Variants in SCARB1 observed in about 807,000 individuals in gnomAD.
SCARB1 encodes the protein CD36 and LIMPII analogous 1.
Under a neutral mutation model 57.2 loss-of-function variants are expected in SCARB1, and 30 were observed. That is an observed-to-expected ratio of 0.52 (90% CI 0.39 to 0.71). The LOEUF is 0.71. Ranked by LOEUF, SCARB1 falls within the 30% of genes least tolerant of loss-of-function variation. The pLI is 0.00. For synonymous variants in SCARB1, 249 were observed against 268.3 expected (o/e 0.93, Z 0.70); for missense variants, 543 against 671.2 (o/e 0.81, Z 2.11).
At chr12:124,784,891 G>C (rs936499672) in intron 11 of SCARB1, 13 of 152,366 alleles carry the variant, frequency 8.5e-5, no homozygotes, top group African/African-American at 3.1e-4. Flanking sequence ...GTAGTAACTT[G>C]CCTAAAGGCC....
chr12:124,801,792 G>A (rs757442800), intron 7 of SCARB1, among the ~76,000 whole-genome samples: 4 of 152,006 alleles, frequency 2.6e-5, no homozygotes, highest in Non-Finnish European at 5.9e-5. Context: ...GTTGCAGTAA[G>A]CCAAGATTGC....
Position 124,807,690 on chromosome 12 carries a change from G to A in SCARB1, c.1009+71C>T. ...GGCCAGAGATTAAGCAGACAGCACT[G>A]GGCAGATAAACCCTCAGCTGGCCCC... is the stretch of plus-strand genomic sequence containing the variant. On this transcript the variant is annotated intron_variant, in intron 7 of 12. Coordinates refer to ENST00000261693, the MANE Select transcript of SCARB1 (RefSeq NM_005505.5). The surrounding 1 kb of genome is among the most constrained non-coding windows in gnomAD (Gnocchi z 5.3). 17 of 1,444,918 alleles carry A rather than the reference G, an allele frequency of 1.2e-5. No individual in the cohort carries two copies. The highest frequency in any genetic ancestry group is 1.6e-5 in the Non-Finnish European group (17 of 1,032,488). 89.5% of individuals were successfully genotyped at this position (1,444,918 alleles called of 1,614,324 possible).
intron 1 of SCARB1, among the ~76,000 whole-genome samples, chr12:124,829,701 A>AAAT (rs1951310300): frequency 6.6e-6 from 1 of 152,206 alleles, no homozygotes; most frequent in Non-Finnish European, 1.5e-5. Context: ...TCTCAAGTCT[A>AAAT]AAGTCACTTT....
In SCARB1 at chr12:124,812,453, G is replaced by A. The variant is rs569738956; in HGVS notation, c.631-488C>T. 5.6e-4 allele frequency among the ~76,000 whole-genome samples: 86 copies of A among 152,308 alleles called. No individual in the cohort carries two copies. Among genetic ancestry groups the A allele is most frequent in the Middle Eastern group, 6.8e-3 (2 of 294 alleles). ...GGATCCCCAAGTGACCACCACAAGC[G>A]CGGGTGCCCCAGTCACCCACACTGG... On this transcript the variant is annotated intron_variant, in intron 4 of 12. Transcript: ENST00000261693. The surrounding 1 kb of genome is among the most constrained non-coding windows in gnomAD (Gnocchi z 4.3).
chr12:124,860,086 GATTACAGGCGTGC>G (rs1475031975), intron 1 of SCARB1, among the ~76,000 whole-genome samples: 2 of 151,980 alleles, frequency 1.3e-5, no homozygotes, highest in African/African-American at 4.8e-5. Flanking sequence ...GAATAGCTGG[GATTACAGGCGTGC>G]ACCACCATGT....
At chr12:124,787,494 T>C (rs369108855) in intron 9 of SCARB1, 37 bp from the exon 10 acceptor site, 2 of 1,586,634 alleles carry the variant, frequency 1.3e-6, no homozygotes, top group Non-Finnish European at 1.7e-6. Context: ...TGAAACAAAG[T>C]CTTACACCCA....
chr12:124,801,309 C>G (rs1388505970), intron 7 of SCARB1, among the ~76,000 whole-genome samples: 1 of 152,174 alleles, frequency 6.6e-6, no homozygotes, highest in Non-Finnish European at 1.5e-5. Context: ...CGGGGAGTGA[C>G]TTCTGATGAG....
chr12:124,815,264 G>T, intron 2 of SCARB1, 150 bp from the exon 3 acceptor site: 2 of 900,602 alleles, frequency 2.2e-6, no homozygotes, highest in Non-Finnish European at 3.5e-6. Flanking sequence ...CGGCCCCTTC[G>T]CCAAGTCTGT....
At chr12:124,799,182 ACAT>A (rs1950050517) in intron 8 of SCARB1, among the ~76,000 whole-genome samples, 1 of 152,212 alleles carries the variant, frequency 6.6e-6, no homozygotes, top group Admixed American at 6.5e-5. Flanking sequence ...ATACATCATA[ACAT>A]CATGTTGTAC....
intron 1 of SCARB1, among the ~76,000 whole-genome samples, chr12:124,818,945 G>A (rs1319124801): frequency 6.6e-6 from 1 of 152,154 alleles, no homozygotes; most frequent in African/African-American, 2.4e-5. Flanking sequence ...ATGAGCCACT[G>A]TGCCTGGCCT....
intron 1 of SCARB1, among the ~76,000 whole-genome samples, chr12:124,848,662 G>A (rs797004508): frequency 3.9e-4 from 59 of 152,352 alleles, no homozygotes; most frequent in African/African-American, 1.4e-3. Context: ...GGTGGTGGAA[G>A]AACACACTGG....
intron 7 of SCARB1, among the ~76,000 whole-genome samples, chr12:124,802,635 G>T (rs946126619): frequency 3.9e-5 from 6 of 152,160 alleles, no homozygotes; most frequent in Admixed American, 2.0e-4. Flanking sequence ...ACCCACGCAC[G>T]TGTTTCTTCC....
intron 8 of SCARB1, among the ~76,000 whole-genome samples, chr12:124,798,926 G>A (rs962936885): frequency 1.3e-5 from 2 of 152,034 alleles, no homozygotes; most frequent in Non-Finnish European, 2.9e-5. Flanking sequence ...GGGGAAGTCC[G>A]TCAAAGGATA....
chr12:124,831,224 C>T, intron 1 of SCARB1, among the ~76,000 whole-genome samples: 1 of 152,180 alleles, frequency 6.6e-6, no homozygotes, highest in East Asian at 1.9e-4. Context: ...GGTGATCTGC[C>T]TGCCTCGGCC....
intron 1 of SCARB1, among the ~76,000 whole-genome samples, chr12:124,834,081 C>T (rs1043279096): frequency 2.0e-5 from 3 of 152,208 alleles, no homozygotes; most frequent in South Asian, 2.1e-4. Context: ...AACCGAGGCC[C>T]GCCCTGAAAA....
At chr12:124,838,920 G>T (rs373316325) in intron 1 of SCARB1, among the ~76,000 whole-genome samples, 1 of 151,740 alleles carries the variant, frequency 6.6e-6, no homozygotes, top group African/African-American at 2.4e-5. Context: ...GATTACAGGC[G>T]CCTGCCACCA....
rs1255882837 is a variant in SCARB1 at position 124,796,605 on chromosome 12, G to A, written c.1129-1337C>T. On this transcript the variant is annotated intron_variant, in intron 8 of 12. Transcript: ENST00000261693. This position sits in a 1 kb window ranked among gnomAD's most constrained non-coding sequence, Gnocchi z 4.0. ...ACTCTCCCGACCTGACAGAATTTTT[G>A]CAAGAGCAAAAGTAAGGTATGCAAG... Among the ~76,000 whole-genome samples, 1 of 152,182 alleles carries A rather than the reference G, an allele frequency of 6.6e-6. No individual in the cohort carries two copies. Among genetic ancestry groups the A allele is most frequent in the Admixed American group, 6.5e-5 (1 of 15,278 alleles).
At chr12:124,797,206 C>T (rs980928150) in intron 8 of SCARB1, among the ~76,000 whole-genome samples, 5 of 152,204 alleles carry the variant, frequency 3.3e-5, no homozygotes, top group African/African-American at 1.2e-4. Flanking sequence ...AAGCTCCAGC[C>T]TGGCCTCCCC....
At chr12:124,819,958 T>C (rs1330829424) in intron 1 of SCARB1, among the ~76,000 whole-genome samples, 2 of 152,202 alleles carry the variant, frequency 1.3e-5, no homozygotes, top group African/African-American at 2.4e-5. Flanking sequence ...GGCGTGTCAA[T>C]GAAGAAGCTG....
Sources: gnomAD v4.1 joint callset for allele counts (sites outside exome capture counted in the v4.1 genomes callset) on GRCh38, gnomAD v4.1.1 for gene constraint, Gnocchi (gnomAD v3.1) non-coding constraint, MANE v1.5 for transcripts, NCBI Gene and HGNC (gene_info 2026-07-23, HGNC 2026-07-21) for gene names.